NOCT: variants seen among roughly 807,000 people sequenced by gnomAD.
NOCT encodes CCR4 carbon catabolite repression 4-like.
In NOCT, 18 loss-of-function variants were observed where a neutral mutation model predicts 35.0. That is an observed-to-expected ratio of 0.51 (90% confidence interval 0.36 to 0.76). The LOEUF (loss-of-function observed/expected upper bound fraction) is 0.76. NOCT is among the 30% of genes least tolerant of loss of function. The pLI is 0.01. For synonymous variants in NOCT, 235 were observed against 226.3 expected, an observed-to-expected ratio of 1.04 and a Z score of -0.34; for missense variants, 479 against 541.0, an observed-to-expected ratio of 0.89 and a Z score of 1.14.
intron 1 of NOCT, among the ~76,000 whole-genome samples, chr4:139,020,496 C>T (rs544571711): frequency 2.5e-4 from 38 of 152,270 alleles, no homozygotes; most frequent in South Asian, 1.4e-3. Flanking sequence ...AAGAAGGTGG[C>T]GCTCGCATGC....
intron 1 of NOCT, among the ~76,000 whole-genome samples, chr4:139,026,694 G>C (rs192190237): frequency 3.9e-5 from 6 of 151,930 alleles, no homozygotes; most frequent in Non-Finnish European, 8.8e-5. Context: ...GGGATTACAG[G>C]TGCCCACCGT....
chr4:139,021,852 G>A (rs1279788738), intron 1 of NOCT, among the ~76,000 whole-genome samples: 2 of 149,510 alleles, frequency 1.3e-5, no homozygotes, highest in African/African-American at 5.0e-5. Context: ...TGTGCCTCCC[G>A]GGTTCAAGCA....
rs767623947 is a variant in NOCT at position 139,043,240 on chromosome 4, C to T, written c.357C>T (p.His119=). The change falls in exon 2 of 3, where the codon CAC becomes CAT. Residue 119 remains histidine (H), a synonymous_variant. Coordinates refer to ENST00000280614, the MANE Select transcript of NOCT (RefSeq NM_012118.4). The part of the protein sequence containing the change: ...ELLEECRAVL[H]TRPPRFQRDF... ...TTGAGGAATGCAGGGCCGTCCTGCA[C>T]ACCCGACCTCCCCGGTTCCAGAGGG... The T allele has an allele frequency of 6.2e-7, 1 of 1,614,172 alleles. No individual in the cohort carries two copies. The highest frequency in any genetic ancestry group is 1.1e-5 in the South Asian group (1 of 91,084).
Position 139,016,038 on chromosome 4 carries a change from C to G in NOCT, c.57C>G (p.Gly19=), listed in dbSNP as rs2148640862. Residue 19 remains glycine, a synonymous_variant, in exon 1 of 3, where the codon GGC becomes GGG. Coordinates refer to ENST00000280614, the MANE Select transcript of NOCT (RefSeq NM_012118.4). ...CCCTGCTGCAGAGGGACGCGCCCGG[C>G]CTGCGCCGCCTGCCCGCCCCAGGGC... ...CSALLQRDAP[G]LRRLPAPGLR... is the part of the protein sequence containing the mutation. 7.2e-7 allele frequency: 1 copy of G among 1,391,256 alleles called. No individual in the cohort carries two copies. The highest frequency in any genetic ancestry group is 9.3e-7 in the Non-Finnish European group (1 of 1,071,802). The allele number at this position is 1,391,256 out of a possible 1,614,324, so 86.2% of individuals were successfully genotyped here. A position where few individuals can be genotyped will look rare whatever the true frequency, so the allele number is the denominator to read the frequency against.
intron 1 of NOCT, among the ~76,000 whole-genome samples, chr4:139,039,170 C>CAAAAAAAAAAAAAAAAAAAAA (rs59445691): frequency 8.8e-5 from 8 of 91,364 alleles, no homozygotes; most frequent in African/African-American, 3.5e-4. Context: ...GACTCCATTT[C>CAAAAAAAAAAAAAAAAAAAAA]AAAAAAAAAA....
At chr4:139,038,115 G>A (rs144148896) in intron 1 of NOCT, among the ~76,000 whole-genome samples, 2,041 of 152,048 alleles carry the variant, frequency 0.013, 25 homozygotes, top group Admixed American at 0.027. Flanking sequence ...AAGGAGAGTC[G>A]CTTGAGCCTG....
At chr4:139,041,974 C>T (rs1384426557) in intron 1 of NOCT, among the ~76,000 whole-genome samples, 2 of 151,694 alleles carry the variant, frequency 1.3e-5, no homozygotes, top group East Asian at 1.9e-4. Flanking sequence ...AGATGACCAG[C>T]GTAGCAAGCA....
rs1171557588 is a variant in NOCT, at chr4:139,045,293, G to A, written c.1115G>A (p.Cys372Tyr). The stretch of plus-strand genomic sequence containing the variant: ...TGGAAGATCCGGACCTCAGGGGAGT[G>A]CAGGCACACCCTGGATTACATCTGG... The part of the protein sequence containing the change: ...TTWKIRTSGE[C>Y]RHTLDYIWYS... Residue 372 changes from cysteine to tyrosine, a missense_variant, in exon 3 of 3, where the codon TGC becomes TAC. Physicochemically the swap from Cys to Tyr is radical, Grantham distance 194. Coordinates refer to ENST00000280614, the MANE Select transcript of NOCT (RefSeq NM_012118.4). 1.9e-6 allele frequency: 3 copies of A among 1,614,118 alleles called. No homozygotes were observed. The Admixed American group carries it at 5.0e-5, about 27-fold the overall frequency.
chr4:139,029,198 T>G (rs1394603477), intron 1 of NOCT, among the ~76,000 whole-genome samples: 2 of 152,246 alleles, frequency 1.3e-5, no homozygotes, highest in Non-Finnish European at 1.5e-5. Context: ...TGAAACAGAA[T>G]AGCTAACATT....
intron 1 of NOCT, among the ~76,000 whole-genome samples, chr4:139,032,375 G>A (rs1726642439): frequency 1.3e-5 from 2 of 152,146 alleles, no homozygotes; most frequent in Admixed American, 6.6e-5. Flanking sequence ...AGTTATGGCT[G>A]GCCCATTGCC....
intron 1 of NOCT, among the ~76,000 whole-genome samples, chr4:139,021,307 G>A (rs1264570863): frequency 6.6e-6 from 1 of 151,906 alleles, no homozygotes; most frequent in African/African-American, 2.4e-5. Context: ...CCCGCCAAAA[G>A]CAGCTTTTAA....
chr4:139,020,388 G>C (rs888462688), intron 1 of NOCT, among the ~76,000 whole-genome samples: 2 of 152,188 alleles, frequency 1.3e-5, no homozygotes, highest in African/African-American at 4.8e-5. Context: ...GTCAAGAAAT[G>C]CTTTGCTTCT....
At chr4:139,036,970 G>A (rs547374567) in intron 1 of NOCT, among the ~76,000 whole-genome samples, 1 of 152,280 alleles carries the variant, frequency 6.6e-6, no homozygotes, top group East Asian at 1.9e-4. Context: ...GAACGAGGGT[G>A]GATAAGTGGA....
chr4:139,039,465 T>A (rs1267186748), intron 1 of NOCT, among the ~76,000 whole-genome samples: 1 of 147,830 alleles, frequency 6.8e-6, no homozygotes, highest in African/African-American at 2.7e-5. Context: ...TTTTAAGTAT[T>A]TTTTTTTAAG....
At position 139,043,100 on chromosome 4, in the gene NOCT, A is replaced by T. The variant is rs1726866798; in HGVS notation, c.217A>T (p.Arg73Ter). The T allele has an allele frequency of 6.2e-7, 1 of 1,605,270 alleles. No homozygotes were observed. The highest frequency in any genetic ancestry group is 1.3e-5 in the African/African-American group (1 of 74,724). The change falls in exon 2 of 3, where the codon AGA becomes TGA. Residue 73 changes from arginine (R) to a stop codon, truncating the protein, a stop_gained. Transcript: ENST00000280614. LOFTEE classifies it high-confidence loss of function. Reference protein sequence around the residue: ...TVCSMGTGTSRLYSALAKTLN... With the variant: ...TVCSMGTGTS ...GTGTTCCATGGGAACCGGTACAAGC[A>T]GACTCTATAGTGCTCTCGCCAAGAC...
chr4:139,042,071 C>CTTTTTTTT (rs368776726), intron 1 of NOCT, among the ~76,000 whole-genome samples: 5 of 108,738 alleles, frequency 4.6e-5, no homozygotes, highest in African/African-American at 1.4e-4. Flanking sequence ...TCTTTAAGAT[C>CTTTTTTTT]TTTTTTTTTT....
chr4:139,023,176 T>C (rs1269255554), intron 1 of NOCT, among the ~76,000 whole-genome samples: 1 of 152,150 alleles, frequency 6.6e-6, no homozygotes, highest in Non-Finnish European at 1.5e-5. Context: ...GGAAATTCCT[T>C]GGTCTTGATG....
At chr4:139,041,213 A>G (rs1241500940) in intron 1 of NOCT, among the ~76,000 whole-genome samples, 4 of 152,216 alleles carry the variant, frequency 2.6e-5, no homozygotes, top group African/African-American at 7.2e-5. Flanking sequence ...TTGCATCCTC[A>G]TTGACCTTAA....
intron 1 of NOCT, chr4:139,028,114 T>C (rs769420363): frequency 6.6e-6 from 1 of 152,250 alleles, no homozygotes; most frequent in Non-Finnish European, 1.5e-5. Flanking sequence ...TTTTAGGTTT[T>C]GCTTTTTCAC....
Sources: allele counts gnomAD v4.1 joint callset (sites outside exome capture counted in the v4.1 genomes callset), GRCh38; gene constraint gnomAD v4.1.1; transcripts MANE v1.5; gene names NCBI Gene and HGNC (gene_info 2026-07-23, HGNC 2026-07-21).